MYO1F: variants seen among roughly 807,000 people sequenced by gnomAD.
MYO1F encodes unconventional myosin-If.
MYO1F carries 60 observed loss-of-function variants against 146.6 expected under a neutral mutation model. The ratio of observed to expected loss-of-function variants is 0.41; its 90% CI spans 0.33 to 0.51. The LOEUF (loss-of-function observed/expected upper bound fraction) is 0.51. Ranked by LOEUF, MYO1F falls within the 20% of genes least tolerant of loss-of-function variation. The probability of loss-of-function intolerance (pLI) is 0.25; values close to 1 mark genes in which losing one functional copy is unlikely to be tolerated. For synonymous variants in MYO1F, 602 were observed against 602.1 expected, an observed-to-expected ratio of 1.00 and a Z score of 0.00; for missense variants, 1,274 against 1,534.3, an observed-to-expected ratio of 0.83 and a Z score of 2.83.
At chr19:8,574,534 T>C (rs146711241) in intron 1 of MYO1F, among the ~76,000 whole-genome samples, 1,059 of 35,312 alleles carry the variant, frequency 0.03, 23 homozygotes, top group African/African-American at 0.092. Flanking sequence ...TTTTTCCCTT[T>C]CTTTCTTTCT....
intron 27 of MYO1F, among the ~76,000 whole-genome samples, chr19:8,522,122 A>G (rs979562199): frequency 3.3e-5 from 5 of 150,362 alleles, no homozygotes; most frequent in Non-Finnish European, 7.4e-5. Context: ...TCCCGGGTTC[A>G]TGCCATTCTC....
At chr19:8,528,678 C>T (rs922712020) in intron 21 of MYO1F, among the ~76,000 whole-genome samples, 18 of 152,190 alleles carry the variant, frequency 1.2e-4, no homozygotes, top group South Asian at 2.1e-4. Flanking sequence ...AGGTAAGGCA[C>T]CTGCTGGACA....
chr19:8,548,004 GAT>G, intron 12 of MYO1F, 30 bp downstream of exon 12: 3 of 819,458 alleles, frequency 3.7e-6, no homozygotes, highest in Non-Finnish European at 6.2e-6. Context: ...CCCACCCCAG[GAT>G]CCCCCATCCC....
chr19:8,553,333 T>G lies in MYO1F; in HGVS notation c.414+17A>C. The G allele has an allele frequency of 6.2e-7, 1 of 1,613,792 alleles. No individual in the cohort carries two copies. The highest frequency in any genetic ancestry group is 8.5e-7 in the Non-Finnish European group (1 of 1,179,736). On this transcript the variant is annotated intron_variant, in intron 5 of 27. Transcript: ENST00000644032. ...GTGAGGGCGACCCAGCTTATCCTTC[T>G]GTTTTCCTCGTCTCACCTGGACCTT...
rs1302727966 is a variant in MYO1F at position 8,540,052 on chromosome 19, G to A, written c.1611-24C>T. The A allele has an allele frequency of 1.9e-6, 3 of 1,596,054 alleles. No individual in the cohort carries two copies. The Admixed American group carries it at 5.1e-5, about 27-fold the overall frequency. ...CCCTGGGTAGGAAAGGGGAGAGGAG[G>A]AGTTGGAGGTATGGCTAGACTTTCG... On this transcript the variant is annotated intron_variant, in intron 15 of 27. Coordinates refer to ENST00000644032, the MANE Select transcript of MYO1F (RefSeq NM_012335.4).
At position 8,550,389 on chromosome 19, in the gene MYO1F, C is replaced by T. The variant is rs761611940; in HGVS notation, c.905-33G>A. On this transcript the variant is annotated intron_variant, in intron 9 of 27. Coordinates refer to ENST00000644032, the MANE Select transcript of MYO1F (RefSeq NM_012335.4). The stretch of plus-strand genomic sequence containing the variant: ...GGCAAAGGTCAGGGCAAAAATGGGA[C>T]AGTTGGTTGGGCTCTTGTGCCTCCT... 3.8e-6 allele frequency: 6 copies of T among 1,596,684 alleles called. No homozygotes were observed. In the South Asian group the frequency reaches 5.6e-5, roughly 15 times the overall value.
intron 25 of MYO1F, 136 bp from the exon 26 acceptor site, chr19:8,522,965 C>T (rs778062339): frequency 5.6e-5 from 40 of 712,054 alleles, no homozygotes; most frequent in Non-Finnish European, 7.1e-5. Flanking sequence ...TTGGGCCAGA[C>T]GGAGGGACTC....
intron 2 of MYO1F, 66 bp downstream of exon 2, chr19:8,555,593 C>G (rs1568363214): frequency 1.9e-6 from 3 of 1,609,046 alleles, no homozygotes; most frequent in South Asian, 1.1e-5. Context: ...TCACCCTCCT[C>G]TCCGTCCATG....
chr19:8,522,079 T>G (rs1376955131), intron 27 of MYO1F, among the ~76,000 whole-genome samples: 2 of 151,120 alleles, frequency 1.3e-5, no homozygotes, highest in Non-Finnish European at 3.0e-5. Context: ...CTGGAGTGTG[T>G]TGGCGCAATC....
chr19:8,543,732 GTGC>G lies in MYO1F; in HGVS notation c.1524+562_1524+564del, dbSNP rs1315668072. Among the ~76,000 whole-genome samples, 40 of 11,774 alleles carry G rather than the reference GTGC, an allele frequency of 3.4e-3. 1 individual carries two copies. Among genetic ancestry groups the G allele is most frequent in the African/African-American group, 0.014 (33 of 2,286 alleles). The allele number at this position is 11,774 out of a possible 152,430, so 7.7% of individuals were successfully genotyped here. On this transcript the variant is annotated intron_variant, in intron 14 of 27. Transcript: ENST00000644032. ...GCTGGTGGTGGTGGTGGTGCTGGTG[GTGC>G]TGGTGGTGCTGGTGGTGGTGGTGGT...
At chr19:8,544,004 G>GGT (rs1973211095) in intron 14 of MYO1F, 3 of 401,674 alleles carry the variant, frequency 7.5e-6, no homozygotes, top group Admixed American at 9.4e-5. Flanking sequence ...TGCTGGTGGT[G>GGT]GCGGTGGCGG....
Position 8,527,318 on chromosome 19 carries a change from A to AG in MYO1F, c.2474+19dup. 6.2e-7 allele frequency: 1 copy of AG among 1,613,902 alleles called. No homozygotes were observed. The highest frequency in any genetic ancestry group is 8.5e-7 in the Non-Finnish European group (1 of 1,179,972). ...GGACAGGTGAGAGTGACTGTGCGGC[A>AG]GGTAAGGACCTGGCTTCACCTGAGG... On this transcript the variant is annotated intron_variant, in intron 22 of 27. Transcript: ENST00000644032.
intron 1 of MYO1F, among the ~76,000 whole-genome samples, chr19:8,573,328 C>A (rs1267738394): frequency 1.3e-5 from 2 of 150,806 alleles, no homozygotes; most frequent in Admixed American, 1.3e-4. Flanking sequence ...AAAGAAGAGA[C>A]AATCACTATT....
chr19:8,537,947 T>G (rs1260404472), intron 16 of MYO1F, among the ~76,000 whole-genome samples: 1 of 151,504 alleles, frequency 6.6e-6, no homozygotes, highest in Non-Finnish European at 1.5e-5. Flanking sequence ...GAGGTTTGCC[T>G]TGGGTTTTGC....
rs529588905 is a variant in MYO1F at position 8,551,731 on chromosome 19, G to A, written c.771+9C>T. 1.9e-5 allele frequency: 30 copies of A among 1,614,124 alleles called. No individual in the cohort carries two copies. The East Asian group carries it at 2.5e-4, about 13-fold the overall frequency. ...CTGGCCGGGGACTGGAGTAGAGGCC[G>A]GTGCTCACCAGAGTCTCACCAAAGT... On this transcript the variant is annotated intron_variant, in intron 8 of 27. Transcript: ENST00000644032.
intron 2 of MYO1F, 178 bp downstream of exon 2, chr19:8,555,481 A>G: frequency 1.4e-6 from 1 of 710,770 alleles, no homozygotes; most frequent in East Asian, 2.9e-5. Flanking sequence ...CAGAGGGAGC[A>G]GTGGCAGCCA....
intron 24 of MYO1F, 43 bp downstream of exon 24, chr19:8,526,410 T>A (rs1209538571): frequency 1.3e-6 from 2 of 1,546,334 alleles, no homozygotes; most frequent in South Asian, 2.4e-5. Flanking sequence ...TTAACCAGCC[T>A]CGCTGGCCCC....
At chr19:8,525,141 A>G in intron 25 of MYO1F, 1 of 224,764 alleles carries the variant, frequency 4.4e-6, no homozygotes, top group Non-Finnish European at 8.8e-6. Flanking sequence ...TGAAGGTTGC[A>G]GTGAACCGAG....
intron 1 of MYO1F, among the ~76,000 whole-genome samples, chr19:8,568,432 A>AAAAAAAAC (rs1568375569): frequency 8.1e-5 from 12 of 148,064 alleles, no homozygotes; most frequent in African/African-American, 2.8e-4. Context: ...CAAAAAAAAA[A>AAAAAAAAC]AAAAAAAAAA....
Sources: allele counts gnomAD v4.1 joint callset (sites outside exome capture counted in the v4.1 genomes callset), GRCh38; gene constraint gnomAD v4.1.1; transcripts MANE v1.5; gene names NCBI Gene and HGNC (gene_info 2026-07-23, HGNC 2026-07-21).